FKBP15: variants seen among roughly 807,000 people sequenced by gnomAD.
The protein encoded by FKBP15 is FKBP prolyl isomerase family member 15.
In FKBP15, 106 loss-of-function variants were observed where a neutral mutation model predicts 158.1. That is an observed-to-expected ratio of 0.67 (90% CI 0.57 to 0.79). The LOEUF (loss-of-function observed/expected upper bound fraction) is 0.79, where lower values mean the gene tolerates loss of function less well. FKBP15 is among the 30% of genes least tolerant of loss of function. The pLI is 0.00. For synonymous variants in FKBP15, 547 were observed against 548.6 expected (o/e 1.00, Z 0.04); for missense variants, 1,287 against 1,479.1 (o/e 0.87, Z 2.13).
intron 1 of FKBP15, among the ~76,000 whole-genome samples, chr9:113,216,103 T>A (rs1381456561): frequency 1.2e-3 from 68 of 57,540 alleles, no homozygotes; most frequent in Middle Eastern, 8.1e-3. Flanking sequence ...AAAAAAAAAA[T>A]CTGCAAGGCA....
At chr9:113,188,939 G>A (rs1037819141) in intron 12 of FKBP15, among the ~76,000 whole-genome samples, 3 of 152,176 alleles carry the variant, frequency 2.0e-5, no homozygotes, top group African/African-American at 4.8e-5. Context: ...ATGAAAATCA[G>A]ATAACGTAGG....
At chr9:113,220,691 T>A (rs1004177431) in intron 1 of FKBP15, among the ~76,000 whole-genome samples, 2 of 152,114 alleles carry the variant, frequency 1.3e-5, no homozygotes, top group Non-Finnish European at 2.9e-5. Flanking sequence ...CAAACACACC[T>A]AGCTGCAGGA....
Position 113,188,380 on chromosome 9 carries a change from G to T in FKBP15, c.1276+9C>A. 5 of 1,605,118 alleles carry T rather than the reference G, an allele frequency of 3.1e-6. No individual in the cohort carries two copies. Among genetic ancestry groups the T allele is most frequent in the Non-Finnish European group, 4.3e-6 (5 of 1,171,932 alleles). On this transcript the variant is annotated intron_variant, in intron 13 of 27. Transcript: ENST00000238256. ...TTCAAGGCCACAGAGCCTCAGAGAGGTTCCTTACCCTGTGAGGTCATCTGT... is the reference window on the plus strand; with the variant it reads ...TTCAAGGCCACAGAGCCTCAGAGAGTTTCCTTACCCTGTGAGGTCATCTGT...
rs761188783 is a variant in FKBP15, at chr9:113,176,662, T to A, written c.2098A>T (p.Thr700Ser). The change falls in exon 21 of 28, where the codon ACC (threonine) becomes TCC (serine). Residue 700 changes from threonine (T) to serine (S), a missense_variant. Thr to Ser is a moderately conservative substitution (Grantham distance 58). Transcript: ENST00000238256. ...AATTTGGACTGTGCTTGCTCAGAGG[T>A]TTCTTGGAGCTCTGGGATACAGGAG... Reference protein sequence around the residue: ...VQAKLSELQETSEQAQSKFKS... With the variant: ...VQAKLSELQESSEQAQSKFKS... The A allele has an allele frequency of 4.1e-5, 66 of 1,608,816 alleles. No homozygotes were observed. Among genetic ancestry groups the A allele is most frequent in the Non-Finnish European group, 5.5e-5 (65 of 1,177,140 alleles).
In FKBP15 at chr9:113,163,000, T is replaced by G; in HGVS notation, c.*3078A>C. 1 of 1,264,382 alleles carries G rather than the reference T, an allele frequency of 7.9e-7. No individual in the cohort carries two copies. 78.3% of individuals were successfully genotyped at this position (1,264,382 alleles called of 1,614,324 possible). A position where few individuals can be genotyped will look rare whatever the true frequency, so the allele number is the denominator to read the frequency against. On this transcript the variant is annotated 3_prime_UTR_variant, in exon 28 of 28. Coordinates refer to ENST00000238256, the MANE Select transcript of FKBP15 (RefSeq NM_015258.2). ...CACTATACTTCCAACTGCCCTTTCT[T>G]CTGATGGCTATTCCTCCACCTTATT...
intron 1 of FKBP15, among the ~76,000 whole-genome samples, chr9:113,216,212 ACTT>A (rs1831131429): frequency 6.6e-6 from 1 of 151,810 alleles, no homozygotes; most frequent in African/African-American, 2.4e-5. Context: ...GGCTCTGAGC[ACTT>A]CTTCTCCAAA....
intron 23 of FKBP15, 67 bp downstream of exon 23, chr9:113,173,386 T>A (rs963401540): frequency 1.0e-5 from 16 of 1,550,896 alleles, no homozygotes; most frequent in African/African-American, 1.4e-5. Context: ...TCGACAGGAC[T>A]CAAACAGCCT....
chr9:113,178,492 T>C (rs1830335700), intron 20 of FKBP15, 138 bp downstream of exon 20: 1 of 782,834 alleles, frequency 1.3e-6, no homozygotes, highest in Non-Finnish European at 2.0e-6. Context: ...GTAGGTTTTA[T>C]ACTAGTCTCC....
chr9:113,216,088 A>AAG (rs1831126640), intron 1 of FKBP15, among the ~76,000 whole-genome samples: 1 of 149,526 alleles, frequency 6.7e-6, no homozygotes, highest in African/African-American at 2.5e-5. Flanking sequence ...TTTGTGAAAA[A>AAG]AAAAAAAAAA....
At chr9:113,206,912 A>T in intron 3 of FKBP15, 1 of 429,646 alleles carries the variant, frequency 2.3e-6, no homozygotes. Flanking sequence ...CTCATATACT[A>T]TTCCCTTACT....
chr9:113,217,353 T>C (rs1344857492), intron 1 of FKBP15, among the ~76,000 whole-genome samples: 1 of 151,380 alleles, frequency 6.6e-6, no homozygotes, highest in East Asian at 2.0e-4. Flanking sequence ...GCTGGGATTA[T>C]AGGCACCTGC....
chr9:113,190,440 T>C (rs1157387157), intron 12 of FKBP15, 31 bp downstream of exon 12: 1 of 1,497,566 alleles, frequency 6.7e-7, no homozygotes, highest in Admixed American at 1.8e-5. Context: ...ACATCTGTAC[T>C]ATTCATTCTA....
intron 12 of FKBP15, among the ~76,000 whole-genome samples, chr9:113,190,130 C>T (rs577134225): frequency 2.6e-5 from 4 of 152,332 alleles, no homozygotes; most frequent in South Asian, 4.1e-4. Flanking sequence ...AGAATCTAAA[C>T]ATTCGCTCAA....
At position 113,162,612 on chromosome 9, in the gene FKBP15, C is replaced by T. The variant is rs1026757623; in HGVS notation, c.*3466G>A. 3 of 718,484 alleles carry T rather than the reference C, an allele frequency of 4.2e-6. No individual in the cohort carries two copies. Among genetic ancestry groups the T allele is most frequent in the Non-Finnish European group, 6.5e-6 (3 of 461,102 alleles). The allele number at this position is 718,484 out of a possible 1,614,324, so 44.5% of individuals were successfully genotyped here. On this transcript the variant is annotated 3_prime_UTR_variant, in exon 28 of 28. Transcript: ENST00000238256. ...GGGGGTGGGAGGGGCAGAAAGAAATCACTCCTGGGTTAAGCATACAAGTTA... is the reference window on the plus strand; with the variant it reads ...GGGGGTGGGAGGGGCAGAAAGAAATTACTCCTGGGTTAAGCATACAAGTTA...
intron 1 of FKBP15, among the ~76,000 whole-genome samples, chr9:113,212,400 G>C (rs1010139943): frequency 1.3e-5 from 2 of 152,042 alleles, no homozygotes; most frequent in African/African-American, 2.4e-5. Context: ...TGCTGGCCAG[G>C]CTGGTCTCGA....
chr9:113,191,308 G>C (rs924259796), intron 11 of FKBP15, among the ~76,000 whole-genome samples: 4 of 151,902 alleles, frequency 2.6e-5, no homozygotes, highest in Admixed American at 2.6e-4. Flanking sequence ...AAGTAGCTGG[G>C]ACCACAGGCG....
chr9:113,178,482 G>A (rs993624293), intron 20 of FKBP15, 148 bp downstream of exon 20: 9 of 709,924 alleles, frequency 1.3e-5, no homozygotes, highest in Non-Finnish European at 2.0e-5. Context: ...AAACAATCAT[G>A]TAGGTTTTAT....
intron 7 of FKBP15, among the ~76,000 whole-genome samples, 153 bp from the exon 8 acceptor site, chr9:113,199,076 G>C (rs1435288838): frequency 6.6e-6 from 1 of 152,040 alleles, no homozygotes; most frequent in African/African-American, 2.4e-5. Context: ...TGAAATATTA[G>C]CCCACATCAT....
In FKBP15 at chr9:113,186,308, T is replaced by C; in HGVS notation, c.1439A>G (p.Gln480Arg). ...AYPQASAVTS[Q>R]LQPVRPLYPA... ...GTACAAAGGCCGAACGGGCTGCAGCTGGGAGGTGACGGCAGATGCCTGGGG... is the reference window on the plus strand; with the variant it reads ...GTACAAAGGCCGAACGGGCTGCAGCCGGGAGGTGACGGCAGATGCCTGGGG... The change falls in exon 15 of 28, where the codon CAG (glutamine) becomes CGG (arginine). Residue 480 changes from glutamine to arginine, a missense_variant. Coordinates refer to ENST00000238256, the MANE Select transcript of FKBP15 (RefSeq NM_015258.2). 1 of 1,571,824 alleles carries C rather than the reference T, an allele frequency of 6.4e-7. No individual in the cohort carries two copies. The highest frequency in any genetic ancestry group is 8.6e-7 in the Non-Finnish European group (1 of 1,157,840).
Sources: gnomAD v4.1 joint callset for allele counts (sites outside exome capture counted in the v4.1 genomes callset) on GRCh38, gnomAD v4.1.1 for gene constraint, MANE v1.5 for transcripts, NCBI Gene and HGNC (gene_info 2026-07-23, HGNC 2026-07-21) for gene names.